NSMCE4A: variants seen among roughly 807,000 people sequenced by gnomAD.
NSMCE4A encodes the protein non-structural maintenance of chromosomes element 4 homolog A.
In NSMCE4A, 40 loss-of-function variants were observed where a neutral mutation model predicts 47.9. The ratio of observed to expected loss-of-function variants is 0.83; its 90% CI spans 0.65 to 1.09. The LOEUF is 1.09. NSMCE4A is among the 50% of genes least tolerant of loss of function. NSMCE4A has a pLI of 0.00. For missense variants in NSMCE4A, 500 were observed against 507.0 expected (o/e 0.99, Z 0.13); for synonymous variants, 166 against 178.5 (o/e 0.93, Z 0.56).
intron 10 of NSMCE4A, among the ~76,000 whole-genome samples, chr10:121,958,336 C>T (rs1952437273): frequency 6.6e-6 from 1 of 152,150 alleles, no homozygotes; most frequent in Non-Finnish European, 1.5e-5. Flanking sequence ...GAATCTAGGT[C>T]TTCTGATTCC....
chr10:121,972,244 C>G lies in NSMCE4A; in HGVS notation c.371-1175G>C, dbSNP rs189322730. 3.9e-5 allele frequency among the ~76,000 whole-genome samples: 6 copies of G among 152,144 alleles called. No homozygotes were observed. The East Asian group carries it at 1.2e-3, about 29-fold the overall frequency. On this transcript the variant is annotated intron_variant, in intron 2 of 10. Coordinates refer to ENST00000369023, the MANE Select transcript of NSMCE4A (RefSeq NM_017615.3). ...GGCTGAAGCTGGAGAATAGCTTTAACCTGGGGGGGGCAGAGGTTGCAGTGA... is the reference window on the plus strand; with the variant it reads ...GGCTGAAGCTGGAGAATAGCTTTAAGCTGGGGGGGGCAGAGGTTGCAGTGA...
In NSMCE4A at chr10:121,962,118, A is replaced by G. The variant is rs1379206701; in HGVS notation, c.845-601T>C. 7.5e-6 allele frequency: 3 copies of G among 399,782 alleles called. No individual in the cohort carries two copies. The Admixed American group carries it at 9.1e-5, about 12-fold the overall frequency. The allele number at this position is 399,782 out of a possible 1,614,324, so 24.8% of individuals were successfully genotyped here. ...GAGTGAGACTGTCTCCTAAAAAAAA[A>G]AAAAAAAAATAGGAACTTGGCCGGG... On this transcript the variant is annotated intron_variant, in intron 6 of 10. Transcript: ENST00000369023.
chr10:121,971,875 T>G (rs917789724), intron 2 of NSMCE4A, among the ~76,000 whole-genome samples: 2 of 152,236 alleles, frequency 1.3e-5, no homozygotes, highest in African/African-American at 4.8e-5. Context: ...AGGAGGCTCA[T>G]GCCTCTGTAT....
At position 121,961,531 on chromosome 10, in the gene NSMCE4A, G is replaced by C. The variant is rs200182868; in HGVS notation, c.845-14C>G. 7.9e-6 allele frequency: 12 copies of C among 1,512,384 alleles called. No individual in the cohort carries two copies. The African/African-American group carries it at 1.6e-4, about 20-fold the overall frequency. The allele number at this position is 1,512,384 out of a possible 1,614,324, so 93.7% of individuals were successfully genotyped here. ...TTGGGGTATCAGCTATAGACAAAAA[G>C]AGAAAAAAAAATTGATTTTTGCTTG... On this transcript the variant is annotated splice_polypyrimidine_tract_variant and intron_variant, in intron 6 of 10. Transcript: ENST00000369023.
In NSMCE4A at chr10:121,974,941, C is replaced by G; in HGVS notation, c.225G>C (p.Ala75=). 6.5e-7 allele frequency: 1 copy of G among 1,533,560 alleles called. No individual in the cohort carries two copies. Among genetic ancestry groups the G allele is most frequent in the Non-Finnish European group, 8.8e-7 (1 of 1,142,588 alleles). The allele number at this position is 1,533,560 out of a possible 1,614,324, so 95.0% of individuals were successfully genotyped here. A position where few individuals can be genotyped will look rare whatever the true frequency, so the allele number is the denominator to read the frequency against. Residue 75 remains alanine, a synonymous_variant, in exon 1 of 11, where the codon GCG becomes GCC. Transcript: ENST00000369023. ...GGCGGCACAGGCCTTGGTCGGCCTC[C>G]GCCTCCAAGCTGGCCGGGTCCATCA... The part of the protein sequence containing the change: ...DEMMDPASLE[A]EADQGLCRQI...
intron 7 of NSMCE4A, among the ~76,000 whole-genome samples, chr10:121,961,080 A>C (rs1290444183): frequency 1.3e-5 from 2 of 152,164 alleles, no homozygotes; most frequent in African/African-American, 2.4e-5. Context: ...CTTTTCCCTA[A>C]TCTTTCAGTG....
chr10:121,974,383 T>C, intron 1 of NSMCE4A: 2 of 1,108,718 alleles, frequency 1.8e-6, no homozygotes, highest in Non-Finnish European at 2.2e-6. Context: ...TTGCAAGCAA[T>C]ACACACCATC....
chr10:121,961,537 A>G lies in NSMCE4A; in HGVS notation c.845-20T>C, dbSNP rs776298725. ...TATCAGCTATAGACAAAAAGAGAAA[A>G]AAAAATTGATTTTTGCTTGTCATTA... On this transcript the variant is annotated intron_variant, in intron 6 of 10. Transcript: ENST00000369023. 2 of 1,498,536 alleles carry G rather than the reference A, an allele frequency of 1.3e-6. No homozygotes were observed. The highest frequency in any genetic ancestry group is 2.5e-5 in the Admixed American group (1 of 39,272). 92.8% of individuals were successfully genotyped at this position (1,498,536 alleles called of 1,614,324 possible).
intron 1 of NSMCE4A, chr10:121,974,465 G>T: frequency 2.0e-6 from 2 of 1,010,220 alleles, no homozygotes; most frequent in Non-Finnish European, 2.4e-6. Flanking sequence ...GGTGGGGTCC[G>T]AGAACGTGCA....
chr10:121,974,131 A>G (rs760027519), intron 1 of NSMCE4A, 50 bp from the exon 2 acceptor site: 1 of 1,487,972 alleles, frequency 6.7e-7, no homozygotes. Context: ...ATTCACTAAT[A>G]AGCAGTTGAC....
chr10:121,959,787 T>G, intron 8 of NSMCE4A, 192 bp from the exon 9 acceptor site: 1 of 590,772 alleles, frequency 1.7e-6, no homozygotes, highest in East Asian at 2.8e-5. Flanking sequence ...TTCCATCTGT[T>G]TCCATTTCAA....
chr10:121,957,381 C>T (rs966701518), intron 10 of NSMCE4A, 122 bp from the exon 11 acceptor site: 1 of 151,334 alleles, frequency 6.6e-6, no homozygotes, highest in African/African-American at 2.4e-5. Context: ...GGTTAATCCA[C>T]ATTATATATC....
intron 10 of NSMCE4A, among the ~76,000 whole-genome samples, chr10:121,957,996 G>A (rs140055433): frequency 0.016 from 2,491 of 152,020 alleles, 60 homozygotes; most frequent in African/African-American, 0.057. Flanking sequence ...TTGGGAGGCC[G>A]AGGCGGGCGG....
chr10:121,974,653 C>T (rs1952782431), intron 1 of NSMCE4A: 4 of 1,085,662 alleles, frequency 3.7e-6, no homozygotes, highest in Admixed American at 5.2e-5. Context: ...TCCAGCCCGC[C>T]ACTCGGGGAC....
At position 121,960,772 on chromosome 10, in the gene NSMCE4A, G is replaced by A. The variant is rs981658654; in HGVS notation, c.940-366C>T. On this transcript the variant is annotated intron_variant, in intron 7 of 10. Coordinates refer to ENST00000369023, the MANE Select transcript of NSMCE4A (RefSeq NM_017615.3). This position sits in a 1 kb window ranked among gnomAD's most constrained non-coding sequence, Gnocchi z 4.2. ...TTTGTTATTATTTCTGAGAAAATACGTTGGTAGACATAGGTTTTCTCTAAG... is the reference window on the plus strand; with the variant it reads ...TTTGTTATTATTTCTGAGAAAATACATTGGTAGACATAGGTTTTCTCTAAG... 6.6e-5 allele frequency among the ~76,000 whole-genome samples: 10 copies of A among 152,146 alleles called. No homozygotes were observed. Among genetic ancestry groups the A allele is most frequent in the Admixed American group, 3.3e-4 (5 of 15,270 alleles).
Position 121,968,724 on chromosome 10 carries a change from T to C in NSMCE4A, c.502-918A>G, listed in dbSNP as rs529908994. Among the ~76,000 whole-genome samples the C allele has an allele frequency of 3.4e-4, 52 of 152,306 alleles. No homozygotes were observed. The South Asian group carries it at 7.3e-3, about 21-fold the overall frequency. ...CGATGGCAATATCATATATAAACAA[T>C]AATCACAAAACCCTCAGGGAGCTTA... On this transcript the variant is annotated intron_variant, in intron 3 of 10. Coordinates refer to ENST00000369023, the MANE Select transcript of NSMCE4A (RefSeq NM_017615.3).
In NSMCE4A at chr10:121,967,648, A is replaced by G. The variant is rs1952631452; in HGVS notation, c.653+7T>C. ...ACTGGTCTGTTGGATTTTTAAAATA[A>G]TCTTACAGAAAGTGGAATGTATGGG... On this transcript the variant is annotated splice_region_variant and intron_variant, in intron 4 of 10. Transcript: ENST00000369023. The G allele has an allele frequency of 1.2e-6, 2 of 1,601,330 alleles. No individual in the cohort carries two copies. The highest frequency in any genetic ancestry group is 2.7e-5 in the African/African-American group (2 of 74,126).
intron 3 of NSMCE4A, 68 bp downstream of exon 3, chr10:121,970,871 G>A (rs200265586): frequency 2.2e-6 from 3 of 1,352,020 alleles, no homozygotes; most frequent in Non-Finnish European, 3.0e-6. Flanking sequence ...ATATGGATAT[G>A]AGCACAGTAA....
At chr10:121,972,369 C>A (rs1454744123) in intron 2 of NSMCE4A, among the ~76,000 whole-genome samples, 4 of 152,166 alleles carry the variant, frequency 2.6e-5, no homozygotes, top group African/African-American at 9.6e-5. Context: ...GATTAAGCAA[C>A]CCCCTCAGCC....
Sources: allele counts gnomAD v4.1 joint callset (sites outside exome capture counted in the v4.1 genomes callset), GRCh38; gene constraint gnomAD v4.1.1; non-coding constraint Gnocchi (gnomAD v3.1); transcripts MANE v1.5; gene names NCBI Gene and HGNC (gene_info 2026-07-23, HGNC 2026-07-21).